Variants in HDAC9 observed in about 807,000 individuals in gnomAD.
The protein encoded by HDAC9 is MEF-2 interacting transcription repressor (MITR) protein.
A neutral mutation model predicts 139.4 loss-of-function variants in HDAC9; 41 were observed. The observed-to-expected ratio is 0.29, with a 90% CI of 0.23 to 0.38. The LOEUF (loss-of-function observed/expected upper bound fraction) is 0.38. HDAC9 is among the 10% of genes least tolerant of loss of function. The pLI is 1.00. For synonymous variants in HDAC9, 517 were observed against 476.2 expected (o/e 1.09, Z -1.12); for missense variants, 1,147 against 1,297.0 (o/e 0.88, Z 1.78).
intron 17 of HDAC9, among the ~76,000 whole-genome samples, chr7:18,802,233 T>C (rs983993579): frequency 4.6e-5 from 7 of 151,988 alleles, no homozygotes; most frequent in Non-Finnish European, 8.8e-5. Context: ...GTTTAGTTTT[T>C]AAAATGTCTT....
At chr7:18,391,784 C>G (rs764843029) in intron 1 of HDAC9, among the ~76,000 whole-genome samples, 2 of 152,194 alleles carry the variant, frequency 1.3e-5, no homozygotes, top group Non-Finnish European at 2.9e-5. Context: ...GTTACTTAAT[C>G]TTTTTGCTCT....
chr7:18,859,629 ACT>A (rs1797939764), intron 21 of HDAC9, among the ~76,000 whole-genome samples: 1 of 151,288 alleles, frequency 6.6e-6, no homozygotes, highest in Admixed American at 6.6e-5. Context: ...AATAATACAC[ACT>A]TTTTCCAAAG....
chr7:18,588,632 T>A (rs1830093924), intron 3 of HDAC9, among the ~76,000 whole-genome samples: 1 of 152,206 alleles, frequency 6.6e-6, no homozygotes, highest in African/African-American at 2.4e-5. Flanking sequence ...CTGTTGTTGC[T>A]GAGTCTGAAT....
chr7:18,701,237 A>G (rs1219116089), intron 12 of HDAC9, among the ~76,000 whole-genome samples: 1 of 152,064 alleles, frequency 6.6e-6, no homozygotes, highest in African/African-American at 2.4e-5. Flanking sequence ...TCTCCGAGAT[A>G]AGTGAATCTT....
chr7:18,744,602 T>G (rs9918521), intron 13 of HDAC9, among the ~76,000 whole-genome samples: 4,811 of 152,258 alleles, frequency 0.032, 246 homozygotes, highest in African/African-American at 0.11. Flanking sequence ...GCTTTCTTTA[T>G]AGACAAGATA....
At chr7:18,278,340 A>G (rs1192005184) in intron 2 of HDAC9, among the ~76,000 whole-genome samples, 2 of 152,222 alleles carry the variant, frequency 1.3e-5, no homozygotes, top group Non-Finnish European at 2.9e-5. Context: ...CAATGATTTA[A>G]AAACAAAAAC....
chr7:18,255,808 G>A (rs1243367896), intron 2 of HDAC9, among the ~76,000 whole-genome samples: 2 of 151,490 alleles, frequency 1.3e-5, no homozygotes, highest in East Asian at 2.0e-4. Flanking sequence ...TTTGTATTTT[G>A]GGTAGAGACG....
At chr7:18,106,100 T>C (rs1209445282) in intron 1 of HDAC9, among the ~76,000 whole-genome samples, 1 of 152,218 alleles carries the variant, frequency 6.6e-6, no homozygotes. Context: ...TAGGGTTTCT[T>C]TCTGTGGCAA....
In HDAC9 at chr7:18,414,913, C is replaced by T. The variant is rs115115311; in HGVS notation, c.-41-81349C>T. On this transcript the variant is annotated intron_variant, in intron 1 of 3. Transcript: ENST00000413509. ...GTAGAGAATACTCTTACTTGAAACC[C>T]TTTGTATTTGGTCCTCATTCTCTGC... Among the ~76,000 whole-genome samples the T allele has an allele frequency of 2.7e-3, 415 of 152,132 alleles. 1 individual carries two copies. Among genetic ancestry groups the T allele is most frequent in the African/African-American group, 9.3e-3 (388 of 41,532 alleles).
In HDAC9 at chr7:18,574,544, G is replaced by T. The variant is rs115558088; in HGVS notation, c.23-10737G>T. Among the ~76,000 whole-genome samples, 600 of 152,262 alleles carry T rather than the reference G, an allele frequency of 3.9e-3. 5 individuals carry two copies. The highest frequency in any genetic ancestry group is 0.014 in the African/African-American group (588 of 41,536). The stretch of plus-strand genomic sequence containing the variant: ...TGGCTTGAAGGTGGGGCTTCACCAG[G>T]TACCCTCCCCTTTCTGCCCAGGAGC... On this transcript the variant is annotated intron_variant, in intron 2 of 25. Coordinates refer to ENST00000686413, the MANE Select transcript of HDAC9 (RefSeq NM_178425.4).
At chr7:18,593,033 A>T (rs1354705696) in intron 5 of HDAC9, among the ~76,000 whole-genome samples, 1 of 152,144 alleles carries the variant, frequency 6.6e-6, no homozygotes, top group Non-Finnish European at 1.5e-5. Flanking sequence ...TATGAAATTG[A>T]ACTTCAGTAG....
rs866108074 is a variant in HDAC9 at position 18,648,766 on chromosome 7, G to A, written c.1467+83G>A. 78 of 1,157,650 alleles carry A rather than the reference G, an allele frequency of 6.7e-5. No homozygotes were observed. The South Asian group carries it at 9.2e-4, about 14-fold the overall frequency. 71.7% of individuals were successfully genotyped at this position (1,157,650 alleles called of 1,614,324 possible). A position where few individuals can be genotyped will look rare whatever the true frequency, so the allele number is the denominator to read the frequency against. On this transcript the variant is annotated intron_variant, in intron 11 of 25. Coordinates refer to ENST00000686413, the MANE Select transcript of HDAC9 (RefSeq NM_178425.4). The stretch of plus-strand genomic sequence containing the variant: ...CTTCACTGATATGGGTGTCTAAGAG[G>A]AATGTTGATGGGAGTCACAGCAAAA...
intron 11 of HDAC9, among the ~76,000 whole-genome samples, chr7:18,655,393 A>G (rs1224098871): frequency 2.0e-5 from 3 of 152,212 alleles, no homozygotes; most frequent in African/African-American, 7.2e-5. Context: ...GGTTTATAAA[A>G]GAAACTTTGA....
intron 2 of HDAC9, among the ~76,000 whole-genome samples, chr7:18,173,575 T>A (rs2128135305): frequency 6.6e-6 from 1 of 152,364 alleles, no homozygotes; most frequent in South Asian, 2.1e-4. Context: ...TGGCATGTTT[T>A]TGCAGTGGCT....
chr7:18,402,746 G>A (rs895446919), intron 1 of HDAC9, among the ~76,000 whole-genome samples: 2 of 152,190 alleles, frequency 1.3e-5, no homozygotes, highest in Non-Finnish European at 2.9e-5. Context: ...GATGAATTTT[G>A]TATGTAAAAC....
At chr7:18,530,898 A>C (rs944660069) in intron 2 of HDAC9, among the ~76,000 whole-genome samples, 2 of 151,564 alleles carry the variant, frequency 1.3e-5, no homozygotes, top group Non-Finnish European at 2.9e-5. Flanking sequence ...TCGGTATATA[A>C]AGGCTTACAG....
chr7:18,673,322 C>A (rs1795772393), intron 12 of HDAC9, among the ~76,000 whole-genome samples: 1 of 151,990 alleles, frequency 6.6e-6, no homozygotes, highest in Non-Finnish European at 1.5e-5. Context: ...TAGCTTTGAT[C>A]TTCATGCCTC....
At chr7:18,636,237 A>G (rs1584425256) in intron 8 of HDAC9, among the ~76,000 whole-genome samples, 1 of 152,100 alleles carries the variant, frequency 6.6e-6, no homozygotes, top group African/African-American at 2.4e-5. Context: ...AGAGGCCTGT[A>G]TCTATGTTAC....
chr7:18,823,053 A>T (rs1056855940), intron 17 of HDAC9, among the ~76,000 whole-genome samples: 1 of 152,192 alleles, frequency 6.6e-6, no homozygotes, highest in African/African-American at 2.4e-5. Flanking sequence ...ATAAAAGAAA[A>T]CACAGGCTAT....
Sources: allele counts gnomAD v4.1 joint callset (sites outside exome capture counted in the v4.1 genomes callset), GRCh38; gene constraint gnomAD v4.1.1; transcripts MANE v1.5; gene names NCBI Gene and HGNC (gene_info 2026-07-23, HGNC 2026-07-21).